Variants in C3orf49 observed in about 807,000 individuals in gnomAD.
C3orf49 encodes putative uncharacterized protein C3orf49.
A neutral mutation model predicts 13.3 loss-of-function variants in C3orf49; 27 were observed. The observed-to-expected ratio is 2.02, with a 90% confidence interval of 1.49 to 2.79. C3orf49 has a LOEUF of 2.79. C3orf49 is among the 30% of genes most tolerant of loss of function. C3orf49 has a pLI of 0.00. For synonymous variants in C3orf49, 87 were observed against 47.6 expected, an observed-to-expected ratio of 1.83 and a Z score of -3.40; for missense variants, 242 against 134.2, an observed-to-expected ratio of 1.80 and a Z score of -3.97.
intron 5 of C3orf49, among the ~76,000 whole-genome samples, chr3:63,840,961 C>A (rs989916839): frequency 6.6e-6 from 1 of 152,130 alleles, no homozygotes; most frequent in Non-Finnish European, 1.5e-5. Context: ...TGCACTCATG[C>A]ACAAAGACAG....
At chr3:63,796,485 C>A in the C3orf49 span, among the ~76,000 whole-genome samples, 1 of 152,162 alleles carries the variant, frequency 6.6e-6, no homozygotes, top group East Asian at 1.9e-4. Context: ...TCACTCTTTG[C>A]TCTTCAATTA....
chr3:63,782,142 G>A, the C3orf49 span, among the ~76,000 whole-genome samples: 1 of 152,116 alleles, frequency 6.6e-6, no homozygotes, highest in Non-Finnish European at 1.5e-5. Context: ...TCTCCCTTGA[G>A]GATAGAGAGA....
At chr3:63,834,058 C>T in intron 5 of C3orf49, 1 of 1,455,120 alleles carries the variant, frequency 6.9e-7, no homozygotes, top group South Asian at 1.2e-5. Flanking sequence ...ATCTCAAGAG[C>T]ATACCACATT....
At chr3:63,832,333 A>G (rs1353222410) in intron 5 of C3orf49, among the ~76,000 whole-genome samples, 1 of 152,132 alleles carries the variant, frequency 6.6e-6, no homozygotes, top group Non-Finnish European at 1.5e-5. Flanking sequence ...TCTACCCAAT[A>G]GTCCTTTAAA....
the C3orf49 span, among the ~76,000 whole-genome samples, chr3:63,802,719 C>A: frequency 5.9e-4 from 90 of 152,256 alleles, no homozygotes; most frequent in East Asian, 0.016. Context: ...CTTTTAGAAT[C>A]TTCTTGCTAA....
At chr3:63,830,243 G>A (rs570715430) in intron 3 of C3orf49, among the ~76,000 whole-genome samples, 3 of 152,302 alleles carry the variant, frequency 2.0e-5, no homozygotes, top group Admixed American at 2.0e-4. Context: ...TGTAGTGACT[G>A]CCAAGTATGC....
At position 63,823,524 on chromosome 3, in the gene C3orf49, T is replaced by C; in HGVS notation, c.400T>C (p.Ser134Pro). ...LLPRIVKEFS[S>P]PKLFTAKMRK... ...CCCTAGGATTGTCAAGGAGTTTTCATCTCCCAAGTTATTTACAGCAAAAAT... is the reference window on the plus strand; with the variant it reads ...CCCTAGGATTGTCAAGGAGTTTTCACCTCCCAAGTTATTTACAGCAAAAAT... The change falls in exon 2 of 7, where the codon TCT becomes CCT. Residue 134 changes from serine (S) to proline (P), a missense_variant. Ser to Pro is a moderately conservative substitution (Grantham distance 74, BLOSUM62 -1). Transcript: ENST00000295896. The C allele has an allele frequency of 1.4e-6, 1 of 701,622 alleles. No individual in the cohort carries two copies. Among genetic ancestry groups the C allele is most frequent in the Non-Finnish European group, 2.6e-6 (1 of 384,564 alleles). 43.5% of individuals were successfully genotyped at this position (701,622 alleles called of 1,614,324 possible).
the C3orf49 span, among the ~76,000 whole-genome samples, chr3:63,810,948 G>C: frequency 0.011 from 1,622 of 152,262 alleles, 22 homozygotes; most frequent in African/African-American, 0.035. Context: ...CAGGGTTCAA[G>C]AAATTCTTGT....
intron 5 of C3orf49, chr3:63,838,579 T>C: frequency 7.3e-7 from 1 of 1,363,628 alleles, no homozygotes; most frequent in Non-Finnish European, 9.9e-7. Flanking sequence ...GACAAATATT[T>C]GCTAATTAAA....
chr3:63,793,337 T>C, the C3orf49 span, among the ~76,000 whole-genome samples: 4 of 152,232 alleles, frequency 2.6e-5, no homozygotes, highest in South Asian at 8.3e-4. Flanking sequence ...GGACAACCGC[T>C]TATCCCACTG....
At chr3:63,800,959 T>A in the C3orf49 span, among the ~76,000 whole-genome samples, 2 of 152,156 alleles carry the variant, frequency 1.3e-5, no homozygotes, top group African/African-American at 4.8e-5. Flanking sequence ...AGCCAGGACC[T>A]GCTCATCTGA....
the C3orf49 span, chr3:63,782,551 C>G: frequency 1.3e-5 from 2 of 152,102 alleles, no homozygotes; most frequent in African/African-American, 4.8e-5. Context: ...GAAAATGAAG[C>G]CACAAGAAAG....
chr3:63,817,023 C>T (rs1161845630), upstream of C3orf49, among the ~76,000 whole-genome samples: 1 of 152,046 alleles, frequency 6.6e-6, no homozygotes, highest in Non-Finnish European at 1.5e-5. Context: ...ATCCACCCAC[C>T]TCGGCCTCCC....
intron 5 of C3orf49, among the ~76,000 whole-genome samples, chr3:63,842,832 A>C (rs2107134232): frequency 6.6e-6 from 1 of 152,304 alleles, no homozygotes; most frequent in African/African-American, 2.4e-5. Flanking sequence ...ATCTGGCTGG[A>C]ATGCAGTGGC....
At chr3:63,804,688 A>G in the C3orf49 span, among the ~76,000 whole-genome samples, 1 of 152,112 alleles carries the variant, frequency 6.6e-6, no homozygotes. Flanking sequence ...TTTATGTTAG[A>G]TTGGTGCAAA....
intron 5 of C3orf49, chr3:63,837,920 T>C (rs967492580): frequency 6.7e-7 from 1 of 1,498,562 alleles, no homozygotes; most frequent in African/African-American, 1.4e-5. Context: ...AAAAACTGCA[T>C]GAAAACTGTA....
intron 4 of C3orf49, 31 bp from the exon 5 acceptor site, chr3:63,831,649 G>C: frequency 1.4e-6 from 1 of 694,404 alleles, no homozygotes; most frequent in Non-Finnish European, 2.6e-6. Flanking sequence ...TCCAACACAT[G>C]GCTTCATTTC....
chr3:63,788,833 A>G, the C3orf49 span, among the ~76,000 whole-genome samples: 1 of 152,070 alleles, frequency 6.6e-6, no homozygotes, highest in Non-Finnish European at 1.5e-5. Context: ...TAAGCTACTA[A>G]CCTTAGAATC....
rs570033021 is a variant in C3orf49 at position 63,840,393 on chromosome 3, A to G, written c.850-4630A>G. On this transcript the variant is annotated intron_variant, in intron 5 of 6. Transcript: ENST00000295896. ...TATCACTTGAGCCCAGGAGTTTGAGACCAGCCTGACCAACACAGTGAGACT... is the reference window on the plus strand; with the variant it reads ...TATCACTTGAGCCCAGGAGTTTGAGGCCAGCCTGACCAACACAGTGAGACT... Among the ~76,000 whole-genome samples, 3 of 152,180 alleles carry G rather than the reference A, an allele frequency of 2.0e-5. No homozygotes were observed. The East Asian group carries it at 5.8e-4, about 29-fold the overall frequency.
Sources: gnomAD v4.1 joint callset for allele counts (sites outside exome capture counted in the v4.1 genomes callset) on GRCh38, gnomAD v4.1.1 for gene constraint, MANE v1.5 for transcripts, NCBI Gene and HGNC (gene_info 2026-07-23, HGNC 2026-07-21) for gene names.